GRID2: variants seen among roughly 807,000 people sequenced by gnomAD.
The protein encoded by GRID2 is glutamate receptor ionotropic, delta-2.
In GRID2, 33 loss-of-function variants were observed where a neutral mutation model predicts 114.8. That is an observed-to-expected ratio of 0.29 (90% CI 0.22 to 0.38). The LOEUF (loss-of-function observed/expected upper bound fraction) is 0.38, where lower values mean the gene tolerates loss of function less well. Among genes scored for constraint, GRID2 ranks in the 10% least tolerant of loss-of-function variants. The probability of loss-of-function intolerance (pLI) is 1.00; values close to 1 mark genes in which losing one functional copy is unlikely to be tolerated. For missense variants in GRID2, 1,184 were observed against 1,257.7 expected (o/e 0.94, Z 0.89); for synonymous variants, 505 against 449.9 (o/e 1.12, Z -1.55).
chr4:93,791,581 A>G (rs1020635155), intron 1 of GRID2, among the ~76,000 whole-genome samples: 2 of 152,234 alleles, frequency 1.3e-5, no homozygotes, highest in African/African-American at 2.4e-5. Flanking sequence ...TCCACTAAAA[A>G]TGTGTTTGTT....
chr4:92,736,082 G>T (rs566738498), intron 2 of GRID2, among the ~76,000 whole-genome samples: 15 of 152,030 alleles, frequency 9.9e-5, no homozygotes, highest in Non-Finnish European at 2.1e-4. Context: ...TCAAATTAAG[G>T]ATATCAAAAT....
intron 13 of GRID2, among the ~76,000 whole-genome samples, chr4:93,546,517 T>C (rs1233569680): frequency 1.3e-5 from 2 of 152,172 alleles, no homozygotes; most frequent in East Asian, 3.9e-4. Flanking sequence ...TTCTCAGTGA[T>C]GCTGTTAGTA....
At chr4:93,349,775 C>G (rs527885871) in intron 8 of GRID2, among the ~76,000 whole-genome samples, 1 of 151,468 alleles carries the variant, frequency 6.6e-6, no homozygotes, top group African/African-American at 2.4e-5. Context: ...TATTTAAAAC[C>G]GAAAACAAAT....
chr4:93,535,231 T>C (rs113053093), intron 13 of GRID2, among the ~76,000 whole-genome samples: 117 of 142,252 alleles, frequency 8.2e-4, no homozygotes, highest in African/African-American at 1.8e-3. Flanking sequence ...CACATACACA[T>C]ACACACACAC....
Position 92,422,985 on chromosome 4 carries a change from A to T in GRID2, c.88+118241A>T, listed in dbSNP as rs1174386751. On this transcript the variant is annotated intron_variant, in intron 1 of 15. Coordinates refer to ENST00000282020, the MANE Select transcript of GRID2 (RefSeq NM_001510.4). The stretch of plus-strand genomic sequence containing the variant: ...TTAGATCTCTTTTACTGTCTCAGTC[A>T]TAATTTTGCAAAGGCAGTTTCAATC... 2.6e-5 allele frequency among the ~76,000 whole-genome samples: 4 copies of T among 152,154 alleles called. No homozygotes were observed. In the East Asian group the frequency reaches 7.7e-4, roughly 29 times the overall value.
intron 13 of GRID2, among the ~76,000 whole-genome samples, chr4:93,524,682 A>G (rs1578186811): frequency 1.3e-5 from 2 of 151,220 alleles, no homozygotes; most frequent in African/African-American, 2.4e-5. Flanking sequence ...GGAATTTTAC[A>G]TAAGTTACAA....
intron 13 of GRID2, among the ~76,000 whole-genome samples, chr4:93,598,668 A>G (rs1447388033): frequency 6.6e-6 from 1 of 152,196 alleles, no homozygotes; most frequent in African/African-American, 2.4e-5. Flanking sequence ...TATGTTTTGT[A>G]TTTACAGATT....
intron 3 of GRID2, among the ~76,000 whole-genome samples, chr4:93,102,942 C>T (rs1731839524): frequency 6.6e-6 from 1 of 151,804 alleles, no homozygotes; most frequent in African/African-American, 2.4e-5. Flanking sequence ...AAAGGCTTTA[C>T]ATATCATCAA....
chr4:93,627,799 A>G (rs1259693512), intron 14 of GRID2, among the ~76,000 whole-genome samples: 2 of 152,222 alleles, frequency 1.3e-5, no homozygotes, highest in Non-Finnish European at 2.9e-5. Flanking sequence ...ACAGATCACA[A>G]ACCAAAGCAA....
At chr4:93,252,825 G>T (rs1749126188) in intron 8 of GRID2, among the ~76,000 whole-genome samples, 1 of 151,974 alleles carries the variant, frequency 6.6e-6, no homozygotes, top group South Asian at 2.1e-4. Context: ...TTCTTTTTGT[G>T]GCAATTGCAA....
At chr4:93,291,952 C>A (rs1255033741) in intron 8 of GRID2, among the ~76,000 whole-genome samples, 2 of 151,938 alleles carry the variant, frequency 1.3e-5, no homozygotes, top group Non-Finnish European at 2.9e-5. Context: ...TGGCATTTTT[C>A]AAGAATACAA....
chr4:92,619,770 CTT>C (rs1553908374), intron 2 of GRID2, among the ~76,000 whole-genome samples: 2 of 151,470 alleles, frequency 1.3e-5, no homozygotes, highest in African/African-American at 4.8e-5. Flanking sequence ...TGTTGTATGT[CTT>C]TGTTTTTTTG....
intron 13 of GRID2, among the ~76,000 whole-genome samples, chr4:93,619,217 C>A (rs182782676): frequency 1.5e-3 from 235 of 152,264 alleles, no homozygotes; most frequent in Non-Finnish European, 2.6e-3. Flanking sequence ...ATTTTAAAGT[C>A]AGTCTTAAGT....
chr4:92,409,020 G>T (rs557148447), intron 1 of GRID2, among the ~76,000 whole-genome samples: 143 of 152,198 alleles, frequency 9.4e-4, no homozygotes, highest in Non-Finnish European at 1.7e-3. Flanking sequence ...AATAGGAGTG[G>T]TGAGAGTGAG....
At chr4:93,539,680 T>G (rs1202551877) in intron 13 of GRID2, among the ~76,000 whole-genome samples, 1 of 152,104 alleles carries the variant, frequency 6.6e-6, no homozygotes, top group Non-Finnish European at 1.5e-5. Flanking sequence ...CACATCACTA[T>G]CCTGCTTGCA....
At chr4:93,714,718 AT>A (rs1728764024) in intron 14 of GRID2, among the ~76,000 whole-genome samples, 1 of 152,106 alleles carries the variant, frequency 6.6e-6, no homozygotes, top group Admixed American at 6.5e-5. Context: ...TGTTGGCCAC[AT>A]GTATGTCTTC....
rs114719015 is a variant in GRID2 at position 93,019,490 on chromosome 4, G to A, written c.245-65505G>A. ...CTATGACCTTGGCATTAAGACCTGG[G>A]TGAAATGATCAAAAATGATCTACAT... On this transcript the variant is annotated intron_variant, in intron 2 of 15. Transcript: ENST00000282020. 4.6e-3 allele frequency among the ~76,000 whole-genome samples: 704 copies of A among 152,254 alleles called. 6 individuals are homozygous for A. The highest frequency in any genetic ancestry group is 0.016 in the African/African-American group (671 of 41,552).
chr4:92,723,052 A>C (rs977461791), intron 2 of GRID2, among the ~76,000 whole-genome samples: 12 of 151,910 alleles, frequency 7.9e-5, no homozygotes, highest in African/African-American at 2.9e-4. Flanking sequence ...CTGCATGTGT[A>C]CTTTTTTTTT....
chr4:92,462,263 C>G (rs1454853547), intron 1 of GRID2, among the ~76,000 whole-genome samples: 1 of 152,138 alleles, frequency 6.6e-6, no homozygotes, highest in South Asian at 2.1e-4. Flanking sequence ...GTTGCCTACG[C>G]ATCACAGTCT....
Sources: allele counts gnomAD v4.1 joint callset (sites outside exome capture counted in the v4.1 genomes callset), GRCh38; gene constraint gnomAD v4.1.1; transcripts MANE v1.5; gene names NCBI Gene and HGNC (gene_info 2026-07-23, HGNC 2026-07-21).